The following RAG1 variants were observed in gnomAD, a reference collection of about 807,000 sequenced individuals.
RAG1 encodes the protein recombination activating 1.
Under a neutral mutation model 62.7 loss-of-function variants are expected in RAG1, and 35 were observed. The ratio of observed to expected loss-of-function variants is 0.56; its 90% confidence interval spans 0.43 to 0.74. The LOEUF is 0.74. Ranked by LOEUF, RAG1 falls within the 30% of genes least tolerant of loss-of-function variation. The probability of loss-of-function intolerance (pLI) is 0.00; values close to 1 mark genes in which losing one functional copy is unlikely to be tolerated. For synonymous variants in RAG1, 461 were observed against 470.3 expected (o/e 0.98, Z 0.26); for missense variants, 1,169 against 1,278.6 (o/e 0.91, Z 1.31).
In RAG1 at chr11:36,575,208, C is replaced by T; in HGVS notation, c.1904C>T (p.Ala635Val). The change falls in exon 2 of 2, where the codon GCC becomes GTC. Residue 635 changes from alanine to valine, a missense_variant. Physicochemically the swap from Ala to Val is moderately conservative, Grantham distance 64. Around this residue, in one of 2 missense-constraint regions of RAG1, gnomAD observed 800 missense variants for 943.3 expected, o/e 0.85. Coordinates refer to ENST00000299440, the MANE Select transcript of RAG1 (RefSeq NM_000448.3). This position sits in a 1 kb window ranked among gnomAD's most constrained non-coding sequence, Gnocchi z 4.1. Reference protein sequence around the residue: ...FSFTIMKITIAHSSQNVKVFE... With the variant: ...FSFTIMKITIVHSSQNVKVFE... ...TTCACAATCATGAAAATTACTATTG[C>T]CCACAGCTCTCAGAATGTGAAAGTA... 6.2e-7 allele frequency: 1 copy of T among 1,614,184 alleles called. No homozygotes were observed. The highest frequency in any genetic ancestry group is 1.3e-5 in the African/African-American group (1 of 75,046).
At position 36,574,078 on chromosome 11, in the gene RAG1, CA is replaced by C. The variant is rs878853031; in HGVS notation, c.775del (p.Ser259AlafsTer5). The C allele has an allele frequency of 5.0e-6, 8 of 1,614,144 alleles. No homozygotes were observed. The highest frequency in any genetic ancestry group is 5.9e-6 in the Non-Finnish European group (7 of 1,180,022). The stretch of plus-strand genomic sequence containing the variant: ...AGAGAAGAGCTCAGGCAAGGATCAG[CA>C]GCAAGGATGTCATGAAGAAGATCGC... Reference protein sequence around the residue: ...HKRRAQARISSKDVMKKIANC... With the variant: ...HKRRAQARISXKDVMKKIANC... On this transcript the variant is annotated frameshift_variant, in exon 2 of 2. Coordinates refer to ENST00000299440, the MANE Select transcript of RAG1 (RefSeq NM_000448.3). LOFTEE classifies it high-confidence loss of function.
intron 1 of RAG1, among the ~76,000 whole-genome samples, chr11:36,513,721 G>T (rs1052668222): frequency 1.3e-5 from 2 of 152,180 alleles, no homozygotes; most frequent in African/African-American, 2.4e-5. Flanking sequence ...GAAGGCAAAA[G>T]GCATGTCTTA....
upstream of RAG1, among the ~76,000 whole-genome samples, chr11:36,565,277 A>G (rs1468427486): frequency 2.0e-5 from 3 of 152,204 alleles, no homozygotes; most frequent in Non-Finnish European, 4.4e-5. Flanking sequence ...AGCAATTGGA[A>G]CTCATTGCTG....
At chr11:36,560,663 A>G (rs148233569) in intron 3 of RAG1, among the ~76,000 whole-genome samples, 12 of 152,166 alleles carry the variant, frequency 7.9e-5, no homozygotes, top group African/African-American at 2.6e-4. Flanking sequence ...CAGCTTTTGT[A>G]TACTGGGCTT....
Position 36,578,055 on chromosome 11 carries a change from A to G in RAG1, c.*1619A>G, listed in dbSNP as rs1850878964. ...CAGTTGCTGGCAATGTAGAGCAGGC[A>G]TGGAATTTTATATGCTAGTGAGTCA... On this transcript the variant is annotated 3_prime_UTR_variant, in exon 2 of 2. Transcript: ENST00000299440. 1 of 167,106 alleles carries G rather than the reference A, an allele frequency of 6.0e-6. No individual in the cohort carries two copies. The highest frequency in any genetic ancestry group is 6.5e-5 in the Admixed American group (1 of 15,294). 10.4% of individuals were successfully genotyped at this position (167,106 alleles called of 1,614,324 possible).
At chr11:36,543,013 T>C (rs1850332474) in intron 3 of RAG1, among the ~76,000 whole-genome samples, 1 of 152,194 alleles carries the variant, frequency 6.6e-6, no homozygotes. Flanking sequence ...ATCTAATCAG[T>C]GCCTCGTTTT....
In RAG1 at chr11:36,574,482, G is replaced by T. The variant is rs1554944856; in HGVS notation, c.1178G>T (p.Gly393Val). 3 of 1,614,060 alleles carry T rather than the reference G, an allele frequency of 1.9e-6. No homozygotes were observed. Among genetic ancestry groups the T allele is most frequent in the African/African-American group, 2.7e-5 (2 of 74,932 alleles). ...ATTTTTGTGCACATTAATAAAGGGG[G>T]CCGGCCCCGCCAACATCTTCTGTCG... The part of the protein sequence containing the change: ...KEIFVHINKG[G>V]RPRQHLLSLT... Residue 393 changes from glycine to valine, a missense_variant, in exon 2 of 2, where the codon GGC becomes GTC. Around this residue, in one of 2 missense-constraint regions of RAG1, gnomAD observed 800 missense variants for 943.3 expected, o/e 0.85. Transcript: ENST00000299440.
chr11:36,534,568 C>T (rs1860299291), intron 2 of RAG1, among the ~76,000 whole-genome samples: 1 of 152,144 alleles, frequency 6.6e-6, no homozygotes, highest in African/African-American at 2.4e-5. Context: ...CTCACTTCTG[C>T]CACATTTTAT....
At chr11:36,571,425 A>G (rs1394209884) in intron 1 of RAG1, among the ~76,000 whole-genome samples, 1 of 152,124 alleles carries the variant, frequency 6.6e-6, no homozygotes, top group Non-Finnish European at 1.5e-5. Flanking sequence ...AGAATTAGGA[A>G]GCAGAATTGA....
At chr11:36,510,840 T>C (rs1333280888) in exon 1 of RAG1, 1 of 152,220 alleles carries the variant, frequency 6.6e-6, no homozygotes, top group African/African-American at 2.4e-5. Context: ...AATTCCCTGT[T>C]TAACTGGTCA....
chr11:36,541,507 C>T (rs1490217133), intron 3 of RAG1, among the ~76,000 whole-genome samples: 1 of 152,048 alleles, frequency 6.6e-6, no homozygotes, highest in Non-Finnish European at 1.5e-5. Context: ...TGCTGGTAGG[C>T]CTTTTGACAC....
chr11:36,521,920 A>G (rs962510604), intron 2 of RAG1, among the ~76,000 whole-genome samples: 2 of 152,186 alleles, frequency 1.3e-5, no homozygotes, highest in East Asian at 1.9e-4. Flanking sequence ...TTTGAACTTA[A>G]GAGAGATGAT....
intron 2 of RAG1, among the ~76,000 whole-genome samples, chr11:36,521,267 A>G (rs1176990039): frequency 6.6e-6 from 1 of 152,070 alleles, no homozygotes; most frequent in Non-Finnish European, 1.5e-5. Flanking sequence ...CCCAAATCTC[A>G]TCTTTCAGCT....
intron 2 of RAG1, among the ~76,000 whole-genome samples, chr11:36,526,062 T>C (rs1172046192): frequency 1.3e-5 from 2 of 152,242 alleles, no homozygotes; most frequent in African/African-American, 2.4e-5. Flanking sequence ...ATTCTTCTCA[T>C]ATATTGTTGA....
chr11:36,538,781 G>T (rs1175562225), downstream of RAG1, among the ~76,000 whole-genome samples: 2 of 152,112 alleles, frequency 1.3e-5, no homozygotes, highest in Admixed American at 6.5e-5. Context: ...TCTTATCTGA[G>T]GCGGATTTTC....
chr11:36,566,748 A>G (rs148608607), upstream of RAG1, among the ~76,000 whole-genome samples: 15 of 152,338 alleles, frequency 9.8e-5, no homozygotes, highest in Non-Finnish European at 1.6e-4. Flanking sequence ...TAGAAGCCAC[A>G]GACCAGTTTC....
intron 1 of RAG1, among the ~76,000 whole-genome samples, chr11:36,572,400 G>GT (rs1405620840): frequency 6.6e-6 from 1 of 152,170 alleles, no homozygotes; most frequent in Non-Finnish European, 1.5e-5. Context: ...AATTGCCAAT[G>GT]TTTTTTACCA....
In RAG1 at chr11:36,573,480, T is replaced by G. The variant is rs1157909558; in HGVS notation, c.176T>G (p.Leu59Arg). The change falls in exon 2 of 2, where the codon CTG becomes CGG. Residue 59 changes from leucine (L) to arginine (R), a missense_variant. By Grantham distance (102) the Leu-to-Arg change is moderately radical (BLOSUM62 -2). Around this residue, in one of 2 missense-constraint regions of RAG1, gnomAD observed 369 missense variants for 335.3 expected, o/e 1.10. Coordinates refer to ENST00000299440, the MANE Select transcript of RAG1 (RefSeq NM_000448.3). ...KKDSFEGKPS[L>R]EQSPAVLDKA... ...GATTCCTTTGAGGGGAAACCCTCTC[T>G]GGAGCAATCTCCAGCAGTCCTGGAC... The G allele has an allele frequency of 6.2e-7, 1 of 1,614,250 alleles. No individual in the cohort carries two copies. Among genetic ancestry groups the G allele is most frequent in the East Asian group, 2.2e-5 (1 of 44,896 alleles).
intron 2 of RAG1, among the ~76,000 whole-genome samples, chr11:36,527,210 G>A (rs1220491885): frequency 2.0e-5 from 3 of 152,102 alleles, no homozygotes; most frequent in Non-Finnish European, 2.9e-5. Context: ...GGTTTTTAAC[G>A]TTTTAGGCCT....
Sources: allele counts gnomAD v4.1 joint callset (sites outside exome capture counted in the v4.1 genomes callset), GRCh38; gene constraint gnomAD v4.1.1; regional missense constraint gnomAD v4.1.1; non-coding constraint Gnocchi (gnomAD v3.1); transcripts MANE v1.5; gene names NCBI Gene and HGNC (gene_info 2026-07-23, HGNC 2026-07-21).